The following SOCS5 variants were observed in gnomAD, a reference collection of about 807,000 sequenced individuals.
SOCS5 encodes the protein CIS-6.
A neutral mutation model predicts 42.8 loss-of-function variants in SOCS5; 32 were observed. The ratio of observed to expected loss-of-function variants is 0.75; its 90% CI spans 0.56 to 1.01. The LOEUF is 1.01. Ranked by LOEUF, SOCS5 falls within the 50% of genes least tolerant of loss-of-function variation. The probability of loss-of-function intolerance (pLI) is 0.00; values close to 1 mark genes in which losing one functional copy is unlikely to be tolerated. For missense variants in SOCS5, 627 were observed against 653.0 expected (o/e 0.96, Z 0.43); for synonymous variants, 283 against 229.6 (o/e 1.23, Z -2.10).
intron 1 of SOCS5, among the ~76,000 whole-genome samples, chr2:46,742,921 C>T (rs546508209): frequency 6.6e-6 from 1 of 152,222 alleles, no homozygotes; most frequent in South Asian, 2.1e-4. Flanking sequence ...ACCTTGGCCT[C>T]CCAAAGTGCT....
intron 1 of SOCS5, among the ~76,000 whole-genome samples, chr2:46,740,134 T>A (rs1331655284): frequency 6.6e-6 from 1 of 152,252 alleles, no homozygotes; most frequent in Non-Finnish European, 1.5e-5. Context: ...CCTACAATCA[T>A]GTCTAAGGAG....
At chr2:46,734,008 T>A (rs1451550812) in intron 1 of SOCS5, among the ~76,000 whole-genome samples, 2 of 152,216 alleles carry the variant, frequency 1.3e-5, no homozygotes, top group Admixed American at 1.3e-4. Flanking sequence ...AACGGAGAGT[T>A]AGAAAGAAAT....
chr2:46,719,173 A>G (rs1672824286), intron 1 of SOCS5, among the ~76,000 whole-genome samples: 1 of 152,160 alleles, frequency 6.6e-6, no homozygotes, highest in Admixed American at 6.5e-5. Context: ...GAGCTTTTGG[A>G]TTTTGAGGGT....
In SOCS5 at chr2:46,707,198, C is replaced by T. The variant is rs564358105; in HGVS notation, c.-13+7749C>T. Among the ~76,000 whole-genome samples, 13 of 152,216 alleles carry T rather than the reference C, an allele frequency of 8.5e-5. No individual in the cohort carries two copies. The East Asian group carries it at 1.7e-3, about 20-fold the overall frequency. ...TATGGTTCTCTTTGTGCCTGTCAGT[C>T]AAAAGGTGGGTATTACATCTATAAC... is the stretch of plus-strand genomic sequence containing the variant. On this transcript the variant is annotated intron_variant, in intron 1 of 1. Transcript: ENST00000394861.
chr2:46,750,643 A>G (rs562574449), intron 1 of SOCS5, among the ~76,000 whole-genome samples: 1 of 152,306 alleles, frequency 6.6e-6, no homozygotes, highest in South Asian at 2.1e-4. Context: ...ATTTGTTACA[A>G]TAATACCAGA....
intron 1 of SOCS5, among the ~76,000 whole-genome samples, chr2:46,717,794 C>T (rs891710770): frequency 6.6e-6 from 1 of 152,168 alleles, no homozygotes; most frequent in Non-Finnish European, 1.5e-5. Context: ...TCTTTTCACT[C>T]TAGCTTAGCT....
At chr2:46,757,882 G>A (rs768672365) in intron 1 of SOCS5, among the ~76,000 whole-genome samples, 1 of 152,024 alleles carries the variant, frequency 6.6e-6, no homozygotes, top group Non-Finnish European at 1.5e-5. Context: ...AAAGAAAAAG[G>A]AAAAAAGACA....
intron 1 of SOCS5, among the ~76,000 whole-genome samples, chr2:46,738,038 A>G (rs1245151008): frequency 1.3e-5 from 2 of 152,228 alleles, no homozygotes; most frequent in African/African-American, 4.8e-5. Context: ...ACCCTTTTAG[A>G]GAAATCAACA....
chr2:46,729,927 C>T (rs1321250997), intron 1 of SOCS5, among the ~76,000 whole-genome samples: 1 of 152,004 alleles, frequency 6.6e-6, no homozygotes, highest in Admixed American at 6.5e-5. Context: ...AATGTTTTTT[C>T]TTTATATCCT....
chr2:46,731,362 A>G (rs907204475), intron 1 of SOCS5, among the ~76,000 whole-genome samples: 1 of 152,182 alleles, frequency 6.6e-6, no homozygotes, highest in African/African-American at 2.4e-5. Context: ...CCAGACACCA[A>G]ATCTGCCAGT....
chr2:46,738,652 A>G (rs1673305246), intron 1 of SOCS5, among the ~76,000 whole-genome samples: 1 of 152,188 alleles, frequency 6.6e-6, no homozygotes, highest in Non-Finnish European at 1.5e-5. Context: ...GTATTTGAGG[A>G]GGTGAAAATT....
At chr2:46,709,501 A>G (rs529248718) in intron 1 of SOCS5, among the ~76,000 whole-genome samples, 1 of 152,314 alleles carries the variant, frequency 6.6e-6, no homozygotes, top group South Asian at 2.1e-4. Context: ...GTTTGGTTTT[A>G]GAGGAGGTAG....
chr2:46,754,665 G>A (rs927556116), intron 1 of SOCS5, among the ~76,000 whole-genome samples: 1 of 151,878 alleles, frequency 6.6e-6, no homozygotes, highest in Non-Finnish European at 1.5e-5. Flanking sequence ...CTCTAAGGTT[G>A]AATTATATGT....
chr2:46,728,894 G>A (rs1020976974), intron 1 of SOCS5, among the ~76,000 whole-genome samples: 2 of 152,074 alleles, frequency 1.3e-5, no homozygotes, highest in African/African-American at 4.8e-5. Flanking sequence ...TTTTCCATTT[G>A]CCTCTAAGCC....
rs1310840781 is a variant in SOCS5 at position 46,758,503 on chromosome 2, G to A, written c.-12-16G>A. On this transcript the variant is annotated splice_polypyrimidine_tract_variant and intron_variant, in intron 1 of 1. Coordinates refer to ENST00000394861, the MANE Select transcript of SOCS5 (RefSeq NM_144949.3). ...TTGATTAATTTATTTTTCTCTTTTT[G>A]CTGTTTTGTCTTTAGATTTTATAAT... 6 of 1,521,702 alleles carry A rather than the reference G, an allele frequency of 3.9e-6. No individual in the cohort carries two copies. Among genetic ancestry groups the A allele is most frequent in the Non-Finnish European group, 5.3e-6 (6 of 1,123,498 alleles). The allele number at this position is 1,521,702 out of a possible 1,614,324, so 94.3% of individuals were successfully genotyped here.
At position 46,759,846 on chromosome 2, in the gene SOCS5, T is replaced by G. The variant is rs1673821915; in HGVS notation, c.1316T>G (p.Phe439Cys). Residue 439 changes from phenylalanine to cysteine, a missense_variant, in exon 2 of 2, where the codon TTC becomes TGC. Physicochemically the swap from Phe to Cys is radical, Grantham distance 205. Coordinates refer to ENST00000394861, the MANE Select transcript of SOCS5 (RefSeq NM_144949.3). ...RIEQWNHNFS[F>C]DAHDPCVFHS... ...GAGCAGTGGAATCACAACTTTAGTT[T>G]CGACGCCCATGACCCGTGTGTATTT... The G allele has an allele frequency of 6.2e-7, 1 of 1,614,072 alleles. No individual in the cohort carries two copies.
At chr2:46,732,671 A>G (rs981097624) in intron 1 of SOCS5, among the ~76,000 whole-genome samples, 2 of 152,212 alleles carry the variant, frequency 1.3e-5, no homozygotes, top group South Asian at 4.1e-4. Flanking sequence ...TGGAGACAGT[A>G]TGGAAGATAG....
At chr2:46,725,520 G>A (rs1201254388) in intron 1 of SOCS5, among the ~76,000 whole-genome samples, 1 of 151,994 alleles carries the variant, frequency 6.6e-6, no homozygotes, top group Non-Finnish European at 1.5e-5. Flanking sequence ...TTCCACCTAA[G>A]TGAGTTGTAG....
At chr2:46,754,421 C>A in intron 1 of SOCS5, among the ~76,000 whole-genome samples, 1 of 152,104 alleles carries the variant, frequency 6.6e-6, no homozygotes, top group South Asian at 2.1e-4. Flanking sequence ...AGTCATTCAA[C>A]TTTATAAAAC....
Sources: allele counts gnomAD v4.1 joint callset (sites outside exome capture counted in the v4.1 genomes callset), GRCh38; gene constraint gnomAD v4.1.1; transcripts MANE v1.5; gene names NCBI Gene and HGNC (gene_info 2026-07-23, HGNC 2026-07-21).